Variants in BAP1 observed in about 807,000 individuals in gnomAD.
BAP1 encodes BRCA1 associated deubiquitinase 1, also known as ubiquitin carboxyl-terminal hydrolase BAP1.
In BAP1, 16 loss-of-function variants were observed where a neutral mutation model predicts 77.2. That is an observed-to-expected ratio of 0.21 (90% CI 0.14 to 0.31). The LOEUF (loss-of-function observed/expected upper bound fraction) is 0.31. Ranked by LOEUF, BAP1 falls within the 10% of genes least tolerant of loss-of-function variation. BAP1 has a pLI of 1.00. For synonymous variants in BAP1, 362 were observed against 385.2 expected (o/e 0.94, Z 0.71); for missense variants, 699 against 967.3 (o/e 0.72, Z 3.68).
chr3:52,405,927 C>T lies in BAP1; in HGVS notation c.784-15G>A, dbSNP rs760105324. On this transcript the variant is annotated splice_polypyrimidine_tract_variant and intron_variant, in intron 9 of 16. Transcript: ENST00000460680. ...ACTCTTATCAGCTAACAACAGAATCCAGGGCTCAGAGGAGAAAGGGTAGAC... is the reference window on the plus strand; with the variant it reads ...ACTCTTATCAGCTAACAACAGAATCTAGGGCTCAGAGGAGAAAGGGTAGAC... 3 of 1,613,906 alleles carry T rather than the reference C, an allele frequency of 1.9e-6. No homozygotes were observed. The South Asian group carries it at 3.3e-5, about 18-fold the overall frequency.
In BAP1 at chr3:52,401,911, T is replaced by C. The variant is rs1433512925; in HGVS notation, c.*377A>G. 1 of 395,146 alleles carries C rather than the reference T, an allele frequency of 2.5e-6. No individual in the cohort carries two copies. The highest frequency in any genetic ancestry group is 4.7e-6 in the Non-Finnish European group (1 of 212,854). The allele number at this position is 395,146 out of a possible 1,614,324, so 24.5% of individuals were successfully genotyped here. The stretch of plus-strand genomic sequence containing the variant: ...TCCTAGGAGAGAAAGCATAGTCAGG[T>C]AGGAACTTATGTCAACATGGTGGCA... On this transcript the variant is annotated 3_prime_UTR_variant, in exon 17 of 17. Transcript: ENST00000460680.
chr3:52,405,492 GAAAAAAAAAAAAAAA>G (rs71084182), intron 10 of BAP1, 198 bp from the exon 11 acceptor site: 27 of 81,316 alleles, frequency 3.3e-4, no homozygotes, highest in East Asian at 1.9e-3. Context: ...GAAGCAGGAA[GAAAAAAAAAAAAAAA>G]AAAAAAAAAA....
In BAP1 at chr3:52,402,921, G is replaced by A. The variant is rs1705013404; in HGVS notation, c.1891-50C>T. 6.2e-7 allele frequency: 1 copy of A among 1,613,024 alleles called. No homozygotes were observed. Among genetic ancestry groups the A allele is most frequent in the South Asian group, 1.1e-5 (1 of 91,060 alleles). On this transcript the variant is annotated intron_variant, in intron 14 of 16. Coordinates refer to ENST00000460680, the MANE Select transcript of BAP1 (RefSeq NM_004656.4). The surrounding 1 kb of genome is among the most constrained non-coding windows in gnomAD (Gnocchi z 5.3). ...CTGATCGGGGCGGGCCAGCAACAAA[G>A]CCCCACGAGCAATAGGCAGCTAGAG...
intron 5 of BAP1, among the ~76,000 whole-genome samples, chr3:52,407,710 A>G (rs949448956): frequency 6.6e-6 from 1 of 152,206 alleles, no homozygotes; most frequent in African/African-American, 2.4e-5. Context: ...GTCCTGACAG[A>G]GAAGGTTCTG....
chr3:52,403,733 G>A lies in BAP1; in HGVS notation c.1412C>T (p.Ala471Val), dbSNP rs749456076. The A allele has an allele frequency of 1.2e-6, 2 of 1,613,938 alleles. No homozygotes were observed. Among genetic ancestry groups the A allele is most frequent in the African/African-American group, 2.7e-5 (2 of 74,894 alleles). ...GGGCACTGCCACAGCCGGACTCCCA[G>A]CCCCGCTGCTAGTCTTGATGGACAG... ...IPLSIKTSSG[A>V]GSPAVAVPTH... is the part of the protein sequence containing the mutation. Residue 471 changes from alanine (A) to valine (V), a missense_variant, in exon 13 of 17, where the codon GCT (alanine) becomes GTT (valine). Coordinates refer to ENST00000460680, the MANE Select transcript of BAP1 (RefSeq NM_004656.4). The surrounding 1 kb of genome is among the most constrained non-coding windows in gnomAD (Gnocchi z 4.0).
chr3:52,403,687 G>T lies in BAP1; in HGVS notation c.1458C>A (p.Pro486=), dbSNP rs567707280. ...TGTCTGTACTCTCATTGCTGGGGGT[G>T]GGTGAGGGCTGCGAGTGTGTGGGCA... ...VAVPTHSQPS[P]TPSNESTDTA... The change falls in exon 13 of 17, where the codon CCC becomes CCA. Residue 486 remains proline, a synonymous_variant. Coordinates refer to ENST00000460680, the MANE Select transcript of BAP1 (RefSeq NM_004656.4). This position sits in a 1 kb window ranked among gnomAD's most constrained non-coding sequence, Gnocchi z 4.0. 1.9e-6 allele frequency: 3 copies of T among 1,613,934 alleles called. No individual in the cohort carries two copies. Among genetic ancestry groups the T allele is most frequent in the African/African-American group, 2.7e-5 (2 of 75,042 alleles).
In BAP1 at chr3:52,403,308, G is replaced by A. The variant is rs769728686; in HGVS notation, c.1730-10C>T. ...GAACCCTTCCCACCCTCTGGGAAGAGAGGTCACAAGAAAATCATCAGAGTG... is the reference window on the plus strand; with the variant it reads ...GAACCCTTCCCACCCTCTGGGAAGAAAGGTCACAAGAAAATCATCAGAGTG... On this transcript the variant is annotated splice_polypyrimidine_tract_variant and intron_variant, in intron 13 of 16. Coordinates refer to ENST00000460680, the MANE Select transcript of BAP1 (RefSeq NM_004656.4). The surrounding 1 kb of genome is among the most constrained non-coding windows in gnomAD (Gnocchi z 4.0). The A allele has an allele frequency of 1.9e-6, 3 of 1,613,544 alleles. No homozygotes were observed. Among genetic ancestry groups the A allele is most frequent in the Non-Finnish European group, 2.5e-6 (3 of 1,180,028 alleles).
rs1303107395 is a variant in BAP1 at position 52,403,789 on chromosome 3, G to A, written c.1356C>T (p.Leu452=). Residue 452 remains leucine, a synonymous_variant, in exon 13 of 17, where the codon CTC becomes CTT. Transcript: ENST00000460680. The surrounding 1 kb of genome is among the most constrained non-coding windows in gnomAD (Gnocchi z 4.0). ...PNTINVLAEK[L]KESQKDLSIP... ...TTGAGAGGTCCTTCTGGGACTCTTT[G>A]AGCTTCTCAGCCAAGACGTTGATGG... 3.1e-6 allele frequency: 5 copies of A among 1,613,968 alleles called. No individual in the cohort carries two copies. Among genetic ancestry groups the A allele is most frequent in the South Asian group, 1.1e-5 (1 of 91,092 alleles).
chr3:52,407,017 G>C, intron 7 of BAP1, 110 bp from the exon 8 acceptor site: 1 of 1,488,442 alleles, frequency 6.7e-7, no homozygotes, highest in Non-Finnish European at 9.2e-7. Flanking sequence ...ATCAGGAGCT[G>C]GTCGGGCAAT....
rs955082348 is a variant in BAP1, at chr3:52,401,098, C to T, written c.*1190G>A. ...GGTCAAGCTGTGCTCAGCCCAGAGG[C>T]AGCTGCCACACTTGCCAGCACCCCC... On this transcript the variant is annotated 3_prime_UTR_variant, in exon 17 of 17. Transcript: ENST00000460680. 8 of 232,026 alleles carry T rather than the reference C, an allele frequency of 3.4e-5. No individual in the cohort carries two copies. The highest frequency in any genetic ancestry group is 6.0e-5 in the Non-Finnish European group (7 of 117,508). 14.4% of individuals were successfully genotyped at this position (232,026 alleles called of 1,614,324 possible). A position where few individuals can be genotyped will look rare whatever the true frequency, so the allele number is the denominator to read the frequency against.
rs1705162873 is a variant in BAP1, at chr3:52,406,454, G to A, written c.660-78C>T. ...AGGTTGAGGCAGATATCCTGGCAGG[G>A]CTCCCTGCAGTCACACCTGCAGCTG... On this transcript the variant is annotated intron_variant, in intron 8 of 16. Transcript: ENST00000460680. This position sits in a 1 kb window ranked among gnomAD's most constrained non-coding sequence, Gnocchi z 4.6. 5 of 1,596,250 alleles carry A rather than the reference G, an allele frequency of 3.1e-6. No individual in the cohort carries two copies. In the East Asian group the frequency reaches 6.7e-5, roughly 21 times the overall value.
At position 52,402,774 on chromosome 3, in the gene BAP1, C is replaced by T. The variant is rs2153226278; in HGVS notation, c.1983+5G>A. ...CCAGATCAGGCAACTGGAGAAATCA[C>T]CCACCTTGAACTTCTTCCTCTTCTC... On this transcript the variant is annotated splice_donor_5th_base_variant and intron_variant, in intron 15 of 16. Transcript: ENST00000460680. The surrounding 1 kb of genome is among the most constrained non-coding windows in gnomAD (Gnocchi z 5.3). The T allele has an allele frequency of 6.2e-7, 1 of 1,614,236 alleles. No homozygotes were observed. The highest frequency in any genetic ancestry group is 1.1e-5 in the South Asian group (1 of 91,086).
At chr3:52,407,611 A>G (rs1705209076) in intron 5 of BAP1, 151 bp from the exon 6 acceptor site, 2 of 1,122,954 alleles carry the variant, frequency 1.8e-6, no homozygotes, top group Admixed American at 4.0e-5. Flanking sequence ...GGGGGCAGAA[A>G]AGAGCTCTGG....
intron 7 of BAP1, 98 bp downstream of exon 7, chr3:52,407,076 C>A: frequency 6.3e-7 from 1 of 1,591,842 alleles, no homozygotes; most frequent in Non-Finnish European, 8.6e-7. Context: ...GTACCGACAA[C>A]CCCTGCCACT....
chr3:52,403,043 C>T lies in BAP1; in HGVS notation c.1890+95G>A, dbSNP rs999073962. The T allele has an allele frequency of 8.1e-6, 13 of 1,599,554 alleles. No homozygotes were observed. The highest frequency in any genetic ancestry group is 1.1e-5 in the Non-Finnish European group (13 of 1,177,344). ...ATGGCTCCAGCCACCAATCTTCACA[C>T]CAAAGTTCCAATCAAGAACTTGGCA... On this transcript the variant is annotated intron_variant, in intron 14 of 16. Transcript: ENST00000460680. The surrounding 1 kb of genome is among the most constrained non-coding windows in gnomAD (Gnocchi z 4.0).
chr3:52,404,963 C>A, intron 11 of BAP1, 147 bp downstream of exon 11: 2 of 1,061,808 alleles, frequency 1.9e-6, no homozygotes, highest in East Asian at 4.8e-5. Flanking sequence ...CTTTTCATAT[C>A]AGGCAGAGGA....
chr3:52,408,621 G>T lies in BAP1; in HGVS notation c.123-15C>A, dbSNP rs1158666923. On this transcript the variant is annotated splice_polypyrimidine_tract_variant and intron_variant, in intron 3 of 16. Transcript: ENST00000460680. ...CATATACAGGGCTGGGGGAAGTAAG[G>T]GGCAGAGCCAGATCAGCCAAAGGGG... 1 of 1,606,736 alleles carries T rather than the reference G, an allele frequency of 6.2e-7. No individual in the cohort carries two copies. Among genetic ancestry groups the T allele is most frequent in the South Asian group, 1.1e-5 (1 of 89,570 alleles).
chr3:52,408,514 A>G lies in BAP1; in HGVS notation c.215T>C (p.Ile72Thr), dbSNP rs2153228303. The G allele has an allele frequency of 6.2e-7, 1 of 1,612,314 alleles. No homozygotes were observed. Among genetic ancestry groups the G allele is most frequent in the Non-Finnish European group, 8.5e-7 (1 of 1,179,296 alleles). ...CATGTTATTCACAATATCATCATCAATCACGGACGTATCATCCACCAAGGT... is the reference window on the plus strand; with the variant it reads ...CATGTTATTCACAATATCATCATCAGTCACGGACGTATCATCCACCAAGGT... ...VSTLVDDTSV[I>T]DDDIVNNMFF... The change falls in exon 4 of 17, where the codon ATT (isoleucine) becomes ACT (threonine). Residue 72 changes from isoleucine (I) to threonine (T), a missense_variant. This residue lies in a region of BAP1 where 160 missense variants were observed against 322.8 expected (regional missense o/e 0.50). Coordinates refer to ENST00000460680, the MANE Select transcript of BAP1 (RefSeq NM_004656.4).
At position 52,407,447 on chromosome 3, in the gene BAP1, G is replaced by A. The variant is rs1559590761; in HGVS notation, c.389C>T (p.Ala130Val). Residue 130 changes from alanine to valine, a missense_variant, in exon 6 of 17, where the codon GCG (alanine) becomes GTG (valine). Ala to Val is a moderately conservative substitution (Grantham distance 64). Coordinates refer to ENST00000460680, the MANE Select transcript of BAP1 (RefSeq NM_004656.4). ...GGCCAACTCCGGGGCATTGCCAATC[G>A]CATATCCTTTGCTCTACGGGGAAGA... ...KGFSPESKGYAIGNAPELAKA... is the reference protein window; with the variant it reads ...KGFSPESKGYVIGNAPELAKA... The A allele has an allele frequency of 7.4e-6, 12 of 1,614,200 alleles. No individual in the cohort carries two copies. The highest frequency in any genetic ancestry group is 1.0e-5 in the Non-Finnish European group (12 of 1,180,044).
Sources: gnomAD v4.1 joint callset for allele counts (sites outside exome capture counted in the v4.1 genomes callset) on GRCh38, gnomAD v4.1.1 for gene constraint, gnomAD v4.1.1 regional missense constraint, Gnocchi (gnomAD v3.1) non-coding constraint, MANE v1.5 for transcripts, NCBI Gene and HGNC (gene_info 2026-07-23, HGNC 2026-07-21) for gene names.